The following CREB3L2 variants were observed in gnomAD, a reference collection of about 807,000 sequenced individuals.
CREB3L2 encodes cAMP responsive element binding protein 3 like 2.
A neutral mutation model predicts 57.2 loss-of-function variants in CREB3L2; 23 were observed. That is an observed-to-expected ratio of 0.40 (90% CI 0.29 to 0.57). The LOEUF (loss-of-function observed/expected upper bound fraction) is 0.57. Ranked by LOEUF, CREB3L2 falls within the 20% of genes least tolerant of loss-of-function variation. CREB3L2 has a pLI of 0.42. For missense variants in CREB3L2, 628 were observed against 634.7 expected, an observed-to-expected ratio of 0.99 and a Z score of 0.11; for synonymous variants, 268 against 265.1, an observed-to-expected ratio of 1.01 and a Z score of -0.11.
At chr7:137,964,097 C>A (rs1465032265) in intron 1 of CREB3L2, among the ~76,000 whole-genome samples, 1 of 152,072 alleles carries the variant, frequency 6.6e-6, no homozygotes, top group Non-Finnish European at 1.5e-5. Context: ...GGCGGATCAC[C>A]TGAGGTCAGG....
intron 8 of CREB3L2, among the ~76,000 whole-genome samples, chr7:137,896,108 G>A (rs2117191031): frequency 6.6e-6 from 1 of 152,324 alleles, no homozygotes; most frequent in South Asian, 2.1e-4. Flanking sequence ...CTCTAGGGCA[G>A]GGCATTGCCA....
intron 1 of CREB3L2, among the ~76,000 whole-genome samples, chr7:137,934,204 C>G (rs1427173893): frequency 6.6e-6 from 1 of 152,146 alleles, no homozygotes; most frequent in African/African-American, 2.4e-5. Flanking sequence ...AGATCTCTGT[C>G]CCCTACTGAG....
In CREB3L2 at chr7:137,915,901, A is replaced by T; in HGVS notation, c.431T>A (p.Leu144Gln). The change falls in exon 3 of 12, where the codon CTG becomes CAG. Residue 144 changes from leucine (L) to glutamine (Q), a missense_variant. By Grantham distance (113) the Leu-to-Gln change is moderately radical. Coordinates refer to ENST00000330387, the MANE Select transcript of CREB3L2 (RefSeq NM_194071.4). ...CGGGGTGGAGATGGCTGTGATGGTC[A>T]GAGTGACAGACGGAACGAGTCCTGG... Reference protein sequence around the residue: ...PPPGLVPSVTLTITAISTPLE... With the variant: ...PPPGLVPSVTQTITAISTPLE... The T allele has an allele frequency of 6.2e-7, 1 of 1,614,208 alleles. No homozygotes were observed. The highest frequency in any genetic ancestry group is 8.5e-7 in the Non-Finnish European group (1 of 1,180,032).
intron 1 of CREB3L2, among the ~76,000 whole-genome samples, chr7:137,985,378 G>A (rs924373566): frequency 1.5e-4 from 23 of 152,188 alleles, no homozygotes; most frequent in African/African-American, 5.1e-4. Context: ...GAGGAAGAAC[G>A]TGGCTTAAAT....
At chr7:137,997,728 AAAAT>A (rs1353026944) in intron 1 of CREB3L2, among the ~76,000 whole-genome samples, 14 of 6,172 alleles carry the variant, frequency 2.3e-3, no homozygotes, top group African/African-American at 3.8e-3. Flanking sequence ...ACCCATCTCA[AAAAT>A]AAAATAAAAT....
chr7:137,949,894 G>A (rs1173483046), intron 1 of CREB3L2, among the ~76,000 whole-genome samples: 1 of 152,212 alleles, frequency 6.6e-6, no homozygotes, highest in Admixed American at 6.5e-5. Flanking sequence ...CTGTCAAGAT[G>A]ACTCACTGAT....
At chr7:137,948,252 C>G (rs1213057695) in intron 1 of CREB3L2, among the ~76,000 whole-genome samples, 1 of 152,256 alleles carries the variant, frequency 6.6e-6, no homozygotes, top group Non-Finnish European at 1.5e-5. Context: ...TGTCTTGCAG[C>G]TCAAAGCCTA....
intron 1 of CREB3L2, among the ~76,000 whole-genome samples, chr7:137,936,717 G>A (rs1054069767): frequency 1.3e-5 from 2 of 152,134 alleles, no homozygotes; most frequent in Non-Finnish European, 2.9e-5. Flanking sequence ...GTCTGCAGAC[G>A]GCAGGGGGAT....
intron 1 of CREB3L2, among the ~76,000 whole-genome samples, chr7:137,940,620 A>G (rs747837807): frequency 6.6e-6 from 1 of 152,234 alleles, no homozygotes; most frequent in Non-Finnish European, 1.5e-5. Flanking sequence ...AGTGTTCCAC[A>G]GACGACCCCC....
chr7:137,896,242 C>T (rs907680139), intron 8 of CREB3L2, among the ~76,000 whole-genome samples: 8 of 152,344 alleles, frequency 5.3e-5, no homozygotes, highest in African/African-American at 1.4e-4. Flanking sequence ...CCCATTTGAG[C>T]GAAGCAGCCC....
intron 1 of CREB3L2, among the ~76,000 whole-genome samples, chr7:137,974,923 C>T (rs1444822406): frequency 6.6e-6 from 1 of 152,136 alleles, no homozygotes; most frequent in Non-Finnish European, 1.5e-5. Context: ...GTCTTAGAGA[C>T]AGATCCAGGC....
intron 5 of CREB3L2, among the ~76,000 whole-genome samples, chr7:137,907,516 A>C (rs1484529366): frequency 3.3e-5 from 5 of 152,254 alleles, no homozygotes; most frequent in Non-Finnish European, 7.3e-5. Context: ...CAGAATCAAT[A>C]CAAATTTTCA....
rs1563236480 is a variant in CREB3L2, at chr7:137,882,447, C to T, written c.1452G>A (p.Leu484=). 6.2e-7 allele frequency: 1 copy of T among 1,614,044 alleles called. No individual in the cohort carries two copies. Among genetic ancestry groups the T allele is most frequent in the Non-Finnish European group, 8.5e-7 (1 of 1,179,934 alleles). Residue 484 remains leucine (L), a synonymous_variant, in exon 11 of 12, where the codon CTG becomes CTA. Coordinates refer to ENST00000330387, the MANE Select transcript of CREB3L2 (RefSeq NM_194071.4). The stretch of plus-strand genomic sequence containing the variant: ...GCAGCTCCAAAAGCACTGACTTCTC[C>T]AGGCTGGTCTCATTCGAGATAATGA... ...PHFIISNETS[L]EKSVLLELQQ...
At chr7:137,983,725 C>T (rs1403690091) in intron 1 of CREB3L2, among the ~76,000 whole-genome samples, 2 of 152,230 alleles carry the variant, frequency 1.3e-5, no homozygotes, top group Admixed American at 6.5e-5. Context: ...TACCTCTCTG[C>T]TTTACCTCTC....
chr7:137,995,850 C>A (rs111657441), intron 1 of CREB3L2, among the ~76,000 whole-genome samples: 3 of 152,280 alleles, frequency 2.0e-5, no homozygotes, highest in African/African-American at 7.2e-5. Context: ...AGAAGGAGGG[C>A]AAATATAAAA....
chr7:137,885,567 A>T, intron 8 of CREB3L2, 65 bp from the exon 9 acceptor site: 1 of 1,328,312 alleles, frequency 7.5e-7, no homozygotes, highest in South Asian at 1.2e-5. Flanking sequence ...TGATCTCTCC[A>T]TGTGACCCAA....
In CREB3L2 at chr7:137,908,404, G is replaced by A; in HGVS notation, c.616C>T (p.Pro206Ser). 7.9e-7 allele frequency: 1 copy of A among 1,266,876 alleles called. No individual in the cohort carries two copies. Among genetic ancestry groups the A allele is most frequent in the East Asian group, 3.1e-5 (1 of 31,838 alleles). The allele number at this position is 1,266,876 out of a possible 1,614,324, so 78.5% of individuals were successfully genotyped here. A position where few individuals can be genotyped will look rare whatever the true frequency, so the allele number is the denominator to read the frequency against. Residue 206 changes from proline to serine, a missense_variant, in exon 5 of 12, where the codon CCT (proline) becomes TCT (serine). Transcript: ENST00000330387. ...GAGTCACTGCCGTGACTGCTCGGAG[G>A]GGTGGGCGGCAAATGCAGGTGGTCC... Reference protein sequence around the residue: ...PVDHLHLPPTPPSSHGSDSEG... With the variant: ...PVDHLHLPPTSPSSHGSDSEG...
intron 1 of CREB3L2, among the ~76,000 whole-genome samples, chr7:137,976,672 C>T (rs1183308550): frequency 1.3e-5 from 2 of 152,196 alleles, no homozygotes; most frequent in Non-Finnish European, 2.9e-5. Flanking sequence ...TATATAAACA[C>T]AAATCCAATC....
chr7:137,900,670 G>A (rs1799733113), intron 8 of CREB3L2, among the ~76,000 whole-genome samples: 1 of 151,878 alleles, frequency 6.6e-6, no homozygotes, highest in South Asian at 2.1e-4. Context: ...CGGACGTGGT[G>A]GCGCGTGCCT....
Sources: gnomAD v4.1 joint callset for allele counts (sites outside exome capture counted in the v4.1 genomes callset) on GRCh38, gnomAD v4.1.1 for gene constraint, MANE v1.5 for transcripts, NCBI Gene and HGNC (gene_info 2026-07-23, HGNC 2026-07-21) for gene names.